Variants in ARB2A observed in about 807,000 individuals in gnomAD.
The protein encoded by ARB2A is ARB2 cotranscriptional regulator A.
chr5:93,744,147 G>A, the ARB2A span, among the ~76,000 whole-genome samples: 1 of 152,040 alleles, frequency 6.6e-6, no homozygotes, highest in Admixed American at 6.6e-5. Flanking sequence ...AAATTAAAAA[G>A]TAACCTTGGC....
At chr5:94,080,191 C>T in the ARB2A span, among the ~76,000 whole-genome samples, 137 of 151,808 alleles carry the variant, frequency 9.0e-4, 1 homozygote, top group Non-Finnish European at 1.4e-3. Flanking sequence ...CAGAGTATGT[C>T]AAACAAACAT....
the ARB2A span, among the ~76,000 whole-genome samples, chr5:93,898,725 G>C: frequency 3.3e-4 from 50 of 151,996 alleles, no homozygotes; most frequent in African/African-American, 1.2e-3. Context: ...ATTGGCTTAA[G>C]GCAGGTCTGA....
chr5:94,080,278 A>T, the ARB2A span, among the ~76,000 whole-genome samples: 1 of 152,182 alleles, frequency 6.6e-6, no homozygotes, highest in African/African-American at 2.4e-5. Flanking sequence ...TAGTAAAAAT[A>T]AATAATAAAA....
the ARB2A span, among the ~76,000 whole-genome samples, chr5:93,723,235 G>C: frequency 6.6e-6 from 1 of 152,066 alleles, no homozygotes; most frequent in Non-Finnish European, 1.5e-5. Flanking sequence ...TTAAGCTGGG[G>C]GATAGGATGC....
the ARB2A span, chr5:93,824,162 C>T: frequency 1.3e-6 from 2 of 1,586,414 alleles, no homozygotes; most frequent in Non-Finnish European, 1.7e-6. Context: ...TCAACAAAAG[C>T]AAGTCCTCCA....
chr5:93,650,984 C>G, the ARB2A span, among the ~76,000 whole-genome samples: 1 of 151,930 alleles, frequency 6.6e-6, no homozygotes, highest in Non-Finnish European at 1.5e-5. Flanking sequence ...AGAGCAAGAT[C>G]ATGTCTTAGA....
the ARB2A span, among the ~76,000 whole-genome samples, chr5:94,005,821 A>C: frequency 1.1e-4 from 16 of 152,166 alleles, no homozygotes; most frequent in Non-Finnish European, 2.2e-4. Flanking sequence ...TCAAATTCAA[A>C]CCATAATGAA....
At chr5:93,819,578 C>G in the ARB2A span, among the ~76,000 whole-genome samples, 3 of 152,338 alleles carry the variant, frequency 2.0e-5, no homozygotes, top group East Asian at 3.9e-4. Flanking sequence ...CAACTTTTAG[C>G]TGTTCTCATT....
At chr5:94,009,681 G>C in the ARB2A span, among the ~76,000 whole-genome samples, 26 of 152,010 alleles carry the variant, frequency 1.7e-4, no homozygotes, top group Non-Finnish European at 3.2e-4. Context: ...CTAGAGCTTT[G>C]AGAAAGAAAT....
the ARB2A span, among the ~76,000 whole-genome samples, chr5:93,946,327 A>G: frequency 6.6e-6 from 1 of 152,274 alleles, no homozygotes; most frequent in East Asian, 1.9e-4. Context: ...CAGGGTTCCA[A>G]AAGAGAGTAC....
chr5:94,099,468 C>T, the ARB2A span, among the ~76,000 whole-genome samples: 1 of 151,090 alleles, frequency 6.6e-6, no homozygotes, highest in Non-Finnish European at 1.5e-5. Flanking sequence ...ACTAAAAATA[C>T]AAAAAATTAG....
the ARB2A span, among the ~76,000 whole-genome samples, chr5:93,798,480 CA>C: frequency 1.3e-5 from 2 of 152,004 alleles, no homozygotes; most frequent in Non-Finnish European, 2.9e-5. Flanking sequence ...GTTATAAATA[CA>C]GGGCAATTAT....
the ARB2A span, among the ~76,000 whole-genome samples, chr5:93,785,341 G>A: frequency 6.6e-6 from 1 of 151,998 alleles, no homozygotes; most frequent in South Asian, 2.1e-4. Flanking sequence ...TACTAACCTT[G>A]CATTTCATAA....
the ARB2A span, among the ~76,000 whole-genome samples, chr5:94,056,730 T>G: frequency 6.6e-6 from 1 of 152,190 alleles, no homozygotes; most frequent in African/African-American, 2.4e-5. Context: ...TGCACATTAA[T>G]GTTCATAGGA....
the ARB2A span, among the ~76,000 whole-genome samples, chr5:93,660,220 T>C: frequency 6.6e-6 from 1 of 152,146 alleles, no homozygotes; most frequent in Non-Finnish European, 1.5e-5. Context: ...CATTTAGAGA[T>C]GATATAGCTA....
the ARB2A span, among the ~76,000 whole-genome samples, chr5:94,096,881 T>C: frequency 6.6e-6 from 1 of 152,140 alleles, no homozygotes; most frequent in Non-Finnish European, 1.5e-5. Context: ...ATTTCTGGCC[T>C]TGAGTGGCTC....
At chr5:93,683,191 ATCATCT>A in the ARB2A span, 1 of 1,296,970 alleles carries the variant, frequency 7.7e-7, no homozygotes, top group South Asian at 1.2e-5. Flanking sequence ...CATCATCATC[ATCATCT>A]TCATCATCAT....
At chr5:93,662,189 A>G in the ARB2A span, among the ~76,000 whole-genome samples, 13,318 of 152,228 alleles carry the variant, frequency 0.087, 850 homozygotes, top group South Asian at 0.33. Context: ...TCTAGTTCTT[A>G]CATATTTTCT....
chr5:93,757,960 G>T, the ARB2A span, among the ~76,000 whole-genome samples: 1 of 152,064 alleles, frequency 6.6e-6, no homozygotes, highest in East Asian at 1.9e-4. Flanking sequence ...CCTCAGAATG[G>T]ATAAGAACTC....
Sources: allele counts gnomAD v4.1 joint callset (sites outside exome capture counted in the v4.1 genomes callset), GRCh38; gene constraint gnomAD v4.1.1; transcripts MANE v1.5; gene names NCBI Gene and HGNC (gene_info 2026-07-23, HGNC 2026-07-21).